Variants in CDH12 observed in about 807,000 individuals in gnomAD.
CDH12 encodes the protein cadherin 12, also known as cadherin-12.
Under a neutral mutation model 74.1 loss-of-function variants are expected in CDH12, and 41 were observed. The ratio of observed to expected loss-of-function variants is 0.55; its 90% confidence interval spans 0.43 to 0.72. The LOEUF (loss-of-function observed/expected upper bound fraction) is 0.72. Among genes scored for constraint, CDH12 ranks in the 30% least tolerant of loss-of-function variants. CDH12 has a pLI of 0.00. For missense variants in CDH12, 945 were observed against 977.2 expected (o/e 0.97, Z 0.44); for synonymous variants, 399 against 355.0 (o/e 1.12, Z -1.39).
At chr5:22,681,530 T>G (rs986340844) in intron 1 of CDH12, among the ~76,000 whole-genome samples, 23 of 152,156 alleles carry the variant, frequency 1.5e-4, no homozygotes, top group African/African-American at 5.5e-4. Context: ...TCACTTGTAA[T>G]GAATTTCTGA....
At chr5:22,177,579 T>C (rs552873005) in intron 4 of CDH12, among the ~76,000 whole-genome samples, 4 of 152,302 alleles carry the variant, frequency 2.6e-5, no homozygotes, top group African/African-American at 9.6e-5. Flanking sequence ...GATCTCTATA[T>C]AGCTTTGAAA....
intron 2 of CDH12, among the ~76,000 whole-genome samples, chr5:22,432,894 G>A (rs1744232234): frequency 6.6e-6 from 1 of 152,060 alleles, no homozygotes; most frequent in Admixed American, 6.6e-5. Context: ...TATAACCTGG[G>A]ATCTGTGGAC....
At chr5:22,788,328 T>C (rs1328460434) in intron 1 of CDH12, among the ~76,000 whole-genome samples, 1 of 152,056 alleles carries the variant, frequency 6.6e-6, no homozygotes, top group Non-Finnish European at 1.5e-5. Context: ...TATTTTACTT[T>C]TGTTACACAA....
At chr5:22,569,008 TTAAAA>T (rs1477221909) in intron 1 of CDH12, among the ~76,000 whole-genome samples, 1 of 152,214 alleles carries the variant, frequency 6.6e-6, no homozygotes, top group Non-Finnish European at 1.5e-5. Context: ...TGACAATTTC[TTAAAA>T]TAAGACAACA....
At chr5:21,904,779 AAAAC>A (rs35016652) in intron 6 of CDH12, among the ~76,000 whole-genome samples, 101,582 of 150,716 alleles carry the variant, frequency 0.67, 36,927 homozygotes, top group Non-Finnish European at 0.8. Flanking sequence ...AGTGTCTCTA[AAAAC>A]AAACAAACAA....
chr5:22,511,772 T>C (rs1418139553), intron 1 of CDH12, among the ~76,000 whole-genome samples: 1 of 152,242 alleles, frequency 6.6e-6, no homozygotes, highest in Admixed American at 6.5e-5. Context: ...GTTTATAAGA[T>C]GTTAACTATA....
chr5:22,704,384 A>C (rs1174436276), intron 1 of CDH12, among the ~76,000 whole-genome samples: 2 of 152,120 alleles, frequency 1.3e-5, no homozygotes, highest in Non-Finnish European at 2.9e-5. Flanking sequence ...AGTGCAAGTG[A>C]CTTTCTGTTA....
chr5:22,735,755 G>T (rs1390715219), intron 1 of CDH12, among the ~76,000 whole-genome samples: 1 of 151,850 alleles, frequency 6.6e-6, no homozygotes, highest in African/African-American at 2.4e-5. Flanking sequence ...ATTGAAAATT[G>T]TATTCTCTTA....
chr5:22,804,445 G>A (rs565767828), intron 1 of CDH12, among the ~76,000 whole-genome samples: 29 of 152,226 alleles, frequency 1.9e-4, no homozygotes, highest in Non-Finnish European at 2.4e-4. Flanking sequence ...TGTGGGGGCT[G>A]CTAAATCCAA....
chr5:22,053,840 C>T lies in CDH12; in HGVS notation c.231+24606G>A, dbSNP rs367584438. Among the ~76,000 whole-genome samples the T allele has an allele frequency of 1.9e-4, 29 of 152,154 alleles. 1 individual carries two copies. The highest frequency in any genetic ancestry group is 9.7e-4 in the East Asian group (5 of 5,152). ...TAATCTAATTTTATCATTCATAAGCCTGTACCAAAGCCATATTTCCCTCTG... is the reference window on the plus strand; with the variant it reads ...TAATCTAATTTTATCATTCATAAGCTTGTACCAAAGCCATATTTCCCTCTG... On this transcript the variant is annotated intron_variant, in intron 5 of 14. Transcript: ENST00000382254.
intron 2 of CDH12, among the ~76,000 whole-genome samples, chr5:22,436,822 T>C (rs1561403362): frequency 6.6e-6 from 1 of 152,152 alleles, no homozygotes; most frequent in Non-Finnish European, 1.5e-5. Flanking sequence ...AGAGAGAAGG[T>C]CGTTACCCTT....
chr5:22,357,076 G>A (rs1171682898), intron 3 of CDH12, among the ~76,000 whole-genome samples: 1 of 152,036 alleles, frequency 6.6e-6, no homozygotes, highest in African/African-American at 2.4e-5. Flanking sequence ...GAGAGATATA[G>A]AGACAGCCAG....
At chr5:22,222,734 G>A (rs1424291052) in intron 3 of CDH12, among the ~76,000 whole-genome samples, 1 of 151,750 alleles carries the variant, frequency 6.6e-6, no homozygotes. Flanking sequence ...TCAGTTGGTT[G>A]TAGGATGATG....
chr5:21,831,102 T>C (rs1014557888), intron 8 of CDH12, among the ~76,000 whole-genome samples: 2 of 151,386 alleles, frequency 1.3e-5, no homozygotes, highest in Admixed American at 6.6e-5. Flanking sequence ...AAAAACAACA[T>C]ACAGTGAGAC....
chr5:22,229,409 GT>G (rs1179983144), intron 3 of CDH12, among the ~76,000 whole-genome samples: 2 of 133,820 alleles, frequency 1.5e-5, no homozygotes, highest in Non-Finnish European at 3.1e-5. Context: ...TTGGGGCCTT[GT>G]TACTCCAGCC....
chr5:22,321,878 T>G (rs1323011891), intron 3 of CDH12, among the ~76,000 whole-genome samples: 1 of 152,184 alleles, frequency 6.6e-6, no homozygotes, highest in Non-Finnish European at 1.5e-5. Flanking sequence ...CTTATTATTA[T>G]GATTAGGAGA....
intron 9 of CDH12, among the ~76,000 whole-genome samples, chr5:21,809,325 T>C (rs1422921940): frequency 6.6e-6 from 1 of 152,050 alleles, no homozygotes; most frequent in Non-Finnish European, 1.5e-5. Context: ...CTTCTAGACA[T>C]AGGTTTTTAG....
intron 2 of CDH12, among the ~76,000 whole-genome samples, chr5:22,420,419 TTAAA>T (rs1743590493): frequency 1.3e-5 from 2 of 152,220 alleles, no homozygotes; most frequent in South Asian, 2.1e-4. Flanking sequence ...AGCACCATTA[TTAAA>T]TAGAGAATCC....
At position 22,298,841 on chromosome 5, in the gene CDH12, G is replaced by T. The variant is rs185574978; in HGVS notation, c.-332-86198C>A. On this transcript the variant is annotated intron_variant, in intron 3 of 14. Coordinates refer to ENST00000382254, the MANE Select transcript of CDH12 (RefSeq NM_004061.5). ...CTAATAGATCAATGCACACTCTTCG[G>T]CATATCAACAAAGAAGTATTTGTTT... is the stretch of plus-strand genomic sequence containing the variant. 1.5e-3 allele frequency among the ~76,000 whole-genome samples: 231 copies of T among 152,152 alleles called. 1 individual carries two copies. The highest frequency in any genetic ancestry group is 2.6e-3 in the Non-Finnish European group (175 of 67,982).
Sources: gnomAD v4.1 joint callset for allele counts (sites outside exome capture counted in the v4.1 genomes callset) on GRCh38, gnomAD v4.1.1 for gene constraint, MANE v1.5 for transcripts, NCBI Gene and HGNC (gene_info 2026-07-23, HGNC 2026-07-21) for gene names.